TMEM184B: variants seen among roughly 807,000 people sequenced by gnomAD.
TMEM184B encodes the protein putative MAPK-activating protein FM08.
A neutral mutation model predicts 41.8 loss-of-function variants in TMEM184B; 17 were observed. The ratio of observed to expected loss-of-function variants is 0.41; its 90% confidence interval spans 0.28 to 0.61. The LOEUF (loss-of-function observed/expected upper bound fraction) is 0.61, where lower values mean the gene tolerates loss of function less well. Ranked by LOEUF, TMEM184B falls within the 20% of genes least tolerant of loss-of-function variation. The pLI is 0.34. For missense variants in TMEM184B, 393 were observed against 557.8 expected (o/e 0.70, Z 2.98); for synonymous variants, 240 against 229.5 (o/e 1.05, Z -0.41).
intron 2 of TMEM184B, 25 bp downstream of exon 2, chr22:38,247,745 G>C (rs2092068007): frequency 1.2e-6 from 2 of 1,600,270 alleles, no homozygotes; most frequent in Non-Finnish European, 1.7e-6. Flanking sequence ...GACCTTTCTA[G>C]AGGCCCCTTG....
downstream of TMEM184B, among the ~76,000 whole-genome samples, chr22:38,218,786 C>T (rs1270558859): frequency 6.6e-6 from 1 of 152,332 alleles, no homozygotes; most frequent in East Asian, 1.9e-4. Flanking sequence ...CCCCCACCCA[C>T]ACCGCATTCC....
intron 1 of TMEM184B, among the ~76,000 whole-genome samples, chr22:38,261,708 A>C (rs2092370616): frequency 6.6e-6 from 1 of 152,174 alleles, no homozygotes; most frequent in South Asian, 2.1e-4. Flanking sequence ...CTTTCCAGCC[A>C]GCTAAAATCC....
chr22:38,241,552 G>A (rs913175431), intron 3 of TMEM184B, among the ~76,000 whole-genome samples: 1 of 150,950 alleles, frequency 6.6e-6, no homozygotes, highest in African/African-American at 2.4e-5. Context: ...AATTAGCGGG[G>A]CATGGTGGTG....
chr22:38,226,702 T>C lies in TMEM184B; in HGVS notation c.617+77A>G, dbSNP rs2145572548. On this transcript the variant is annotated intron_variant, in intron 6 of 8. Transcript: ENST00000361906. The surrounding 1 kb of genome is among the most constrained non-coding windows in gnomAD (Gnocchi z 4.6). ...GTCATGGCTGTGCGGCCACTCTGGC[T>C]GCCCCCTTCCCTGAGCCAAGGCACC... is the stretch of plus-strand genomic sequence containing the variant. 1 of 1,436,920 alleles carries C rather than the reference T, an allele frequency of 7.0e-7. No individual in the cohort carries two copies. The highest frequency in any genetic ancestry group is 2.5e-5 in the East Asian group (1 of 39,952). The allele number at this position is 1,436,920 out of a possible 1,614,324, so 89.0% of individuals were successfully genotyped here. A position where few individuals can be genotyped will look rare whatever the true frequency, so the allele number is the denominator to read the frequency against.
intron 1 of TMEM184B, among the ~76,000 whole-genome samples, chr22:38,253,197 C>T (rs545997031): frequency 4.6e-5 from 7 of 152,198 alleles, no homozygotes; most frequent in Admixed American, 2.6e-4. Flanking sequence ...TGGCTCAGGC[C>T]GGTTGCCCTG....
At chr22:38,236,221 G>A (rs764885591) in intron 3 of TMEM184B, among the ~76,000 whole-genome samples, 3 of 152,106 alleles carry the variant, frequency 2.0e-5, no homozygotes, top group Non-Finnish European at 4.4e-5. Flanking sequence ...TAGGCTGTCC[G>A]CTCCCCACCC....
rs115850587 is a variant in TMEM184B, at chr22:38,239,695, G to A, written c.358+6240C>T. 1.4e-3 allele frequency among the ~76,000 whole-genome samples: 207 copies of A among 152,298 alleles called. No homozygotes were observed. Among genetic ancestry groups the A allele is most frequent in the African/African-American group, 4.9e-3 (203 of 41,562 alleles). On this transcript the variant is annotated intron_variant, in intron 3 of 8. Transcript: ENST00000361906. The surrounding 1 kb of genome is among the most constrained non-coding windows in gnomAD (Gnocchi z 4.6). ...ACACGGTCCAGCTGAGGGCAGTAAT[G>A]GGACAACTTGGAGAAAATCCAAAGA...
At position 38,221,379 on chromosome 22, in the gene TMEM184B, A is replaced by G; in HGVS notation, c.*90T>C. On this transcript the variant is annotated 3_prime_UTR_variant, in exon 9 of 9. Transcript: ENST00000361906. Reference sequence around the variant, plus strand: ...ATAAAGGCGGCGTGAGCACTGTGCCAGCTGCCTCCTGGCCTGGTGGTGAGG... The same window carrying G: ...ATAAAGGCGGCGTGAGCACTGTGCCGGCTGCCTCCTGGCCTGGTGGTGAGG... 6.6e-7 allele frequency: 1 copy of G among 1,505,472 alleles called. No individual in the cohort carries two copies. Among genetic ancestry groups the G allele is most frequent in the Non-Finnish European group, 8.8e-7 (1 of 1,134,150 alleles). 93.3% of individuals were successfully genotyped at this position (1,505,472 alleles called of 1,614,324 possible).
Position 38,225,503 on chromosome 22 carries a change from G to A in TMEM184B, c.708C>T (p.Thr236=). ...GGCTGTAGGGGCTGAGCAGCTCCCG[G>A]GTGGCGAAGTAGAAGAGGAAGAGGG... is the stretch of plus-strand genomic sequence containing the variant. The part of the protein sequence containing the change: ...LYALFLFYFA[T]RELLSPYSPV... Residue 236 remains threonine (T), a synonymous_variant, in exon 7 of 9, where the codon ACC becomes ACT. Transcript: ENST00000361906. The surrounding 1 kb of genome is among the most constrained non-coding windows in gnomAD (Gnocchi z 4.4). The A allele has an allele frequency of 6.3e-7, 1 of 1,599,256 alleles. No homozygotes were observed. Among genetic ancestry groups the A allele is most frequent in the Admixed American group, 1.8e-5 (1 of 55,954 alleles).
At position 38,226,743 on chromosome 22, in the gene TMEM184B, T is replaced by G. The variant is rs944514135; in HGVS notation, c.617+36A>C. On this transcript the variant is annotated intron_variant, in intron 6 of 8. Transcript: ENST00000361906. This position sits in a 1 kb window ranked among gnomAD's most constrained non-coding sequence, Gnocchi z 4.6. The stretch of plus-strand genomic sequence containing the variant: ...CCAAGGCACCAGCCTGCGCCAACAC[T>G]CCTCCCACACACCCCGGGGAGCACC... The G allele has an allele frequency of 1.5e-5, 23 of 1,558,638 alleles. 1 individual carries two copies. The South Asian group carries it at 2.7e-4, about 18-fold the overall frequency.
chr22:38,222,827 AG>A (rs1017891329), intron 8 of TMEM184B: 2 of 528,262 alleles, frequency 3.8e-6, no homozygotes, highest in African/African-American at 4.2e-5. Flanking sequence ...CAGGCCCCAC[AG>A]GGCACCCAGG....
At position 38,219,864 on chromosome 22, in the gene TMEM184B, G is replaced by C. The variant is rs1423070862; in HGVS notation, c.*1605C>G. The C allele has an allele frequency of 2.0e-6, 2 of 985,366 alleles. No homozygotes were observed. The highest frequency in any genetic ancestry group is 1.2e-4 in the Admixed American group (2 of 16,274). 61.0% of individuals were successfully genotyped at this position (985,366 alleles called of 1,614,324 possible). On this transcript the variant is annotated 3_prime_UTR_variant, in exon 9 of 9. Transcript: ENST00000361906. ...ACTGCTCCGCCCCCCCAAGATGGAGGGGGAGAGCTGGCCTCTGGCACCCAC... is the reference window on the plus strand; with the variant it reads ...ACTGCTCCGCCCCCCCAAGATGGAGCGGGAGAGCTGGCCTCTGGCACCCAC...
At chr22:38,263,104 T>G (rs5750573) in intron 1 of TMEM184B, among the ~76,000 whole-genome samples, 2 of 152,096 alleles carry the variant, frequency 1.3e-5, no homozygotes, top group South Asian at 4.1e-4. Flanking sequence ...GGTTTCATCA[T>G]GTTGGCCAGG....
chr22:38,235,945 G>A (rs1417331043), intron 3 of TMEM184B, among the ~76,000 whole-genome samples: 15 of 152,156 alleles, frequency 9.9e-5, no homozygotes, highest in African/African-American at 3.4e-4. Flanking sequence ...GAGAGGCCTC[G>A]GAGACACACA....
intron 1 of TMEM184B, among the ~76,000 whole-genome samples, chr22:38,269,650 T>C (rs1321257891): frequency 1.3e-5 from 2 of 152,094 alleles, no homozygotes; most frequent in Admixed American, 6.6e-5. Context: ...CAAGCTACGA[T>C]AGCACCACTG....
In TMEM184B at chr22:38,265,856, C is replaced by T. The variant is rs142546399; in HGVS notation, c.-59+7028G>A. On this transcript the variant is annotated intron_variant, in intron 1 of 8. Coordinates refer to ENST00000361906, the MANE Select transcript of TMEM184B (RefSeq NM_012264.5). ...CAGGAGGCTCTGCCAGTAGCTACAG[C>T]GGCGCCATGGGGTTAGTTATTTTCT... is the stretch of plus-strand genomic sequence containing the variant. Among the ~76,000 whole-genome samples, 308 of 152,282 alleles carry T rather than the reference C, an allele frequency of 2.0e-3. 1 individual carries two copies. The highest frequency in any genetic ancestry group is 7.0e-3 in the African/African-American group (290 of 41,560).
intron 1 of TMEM184B, chr22:38,272,356 C>T (rs1435984703): frequency 9.0e-6 from 5 of 553,316 alleles, no homozygotes; most frequent in Non-Finnish European, 1.1e-5. Flanking sequence ...GCCCCAGGTC[C>T]CAGTCGATCC....
rs1602386565 is a variant in TMEM184B, at chr22:38,230,602, C to T, written c.525+67G>A. 2.6e-6 allele frequency: 4 copies of T among 1,535,304 alleles called. No individual in the cohort carries two copies. In the South Asian group the frequency reaches 3.5e-5, roughly 14 times the overall value. ...ACCTCTAAGGTGGGGCCCAGGGCAG[C>T]CCACGGCAGGGCCTCCCAGACCCCG... On this transcript the variant is annotated intron_variant, in intron 5 of 8. Coordinates refer to ENST00000361906, the MANE Select transcript of TMEM184B (RefSeq NM_012264.5).
In TMEM184B at chr22:38,239,212, GC is replaced by G. The variant is rs2091851291; in HGVS notation, c.358+6722del. Among the ~76,000 whole-genome samples the G allele has an allele frequency of 6.6e-6, 1 of 152,132 alleles. No homozygotes were observed. On this transcript the variant is annotated intron_variant, in intron 3 of 8. Transcript: ENST00000361906. The surrounding 1 kb of genome is among the most constrained non-coding windows in gnomAD (Gnocchi z 4.6). ...CCACACCCTCTGGTGACACATGCCA[GC>G]ACTATGAATTCCAGCCCTCGCAGAT...
Sources: allele counts gnomAD v4.1 joint callset (sites outside exome capture counted in the v4.1 genomes callset), GRCh38; gene constraint gnomAD v4.1.1; non-coding constraint Gnocchi (gnomAD v3.1); transcripts MANE v1.5; gene names NCBI Gene and HGNC (gene_info 2026-07-23, HGNC 2026-07-21).